The following LARP1B variants were observed in gnomAD, a reference collection of about 807,000 sequenced individuals.
LARP1B encodes la-related protein 1B.
Under a neutral mutation model 114.2 loss-of-function variants are expected in LARP1B, and 76 were observed. That is an observed-to-expected ratio of 0.67 (90% CI 0.55 to 0.81). LARP1B has a LOEUF of 0.81. Ranked by LOEUF, LARP1B falls within the 30% of genes least tolerant of loss-of-function variation. LARP1B has a pLI of 0.00. For synonymous variants in LARP1B, 345 were observed against 348.0 expected (o/e 0.99, Z 0.10); for missense variants, 1,014 against 1,075.8 (o/e 0.94, Z 0.80).
At chr4:128,137,791 A>ATATATATATATT (rs1414155026) in intron 11 of LARP1B, among the ~76,000 whole-genome samples, 1 of 63,562 alleles carries the variant, frequency 1.6e-5, no homozygotes, top group African/African-American at 4.8e-5. Flanking sequence ...ATATATATAT[A>ATATATATATATT]TTTTTTTTTT....
chr4:128,116,827 G>C (rs1786009101), intron 10 of LARP1B, among the ~76,000 whole-genome samples: 1 of 151,834 alleles, frequency 6.6e-6, no homozygotes, highest in Admixed American at 6.6e-5. Flanking sequence ...AATTCTAAAA[G>C]CATTTTTCTT....
intron 11 of LARP1B, among the ~76,000 whole-genome samples, chr4:128,157,370 A>G (rs1226530813): frequency 6.6e-6 from 1 of 152,196 alleles, no homozygotes; most frequent in Non-Finnish European, 1.5e-5. Context: ...TGTAAGAGAC[A>G]TAGTCTAACA....
At chr4:128,172,312 A>G (rs182180093) in intron 12 of LARP1B, among the ~76,000 whole-genome samples, 117 of 152,160 alleles carry the variant, frequency 7.7e-4, no homozygotes, top group Non-Finnish European at 1.4e-3. Flanking sequence ...GCTTGAACTC[A>G]CTGGATTTTT....
At chr4:128,132,666 C>T (rs1161592329) in intron 11 of LARP1B, among the ~76,000 whole-genome samples, 4 of 151,892 alleles carry the variant, frequency 2.6e-5, no homozygotes, top group African/African-American at 9.7e-5. Context: ...TGAAAGGAGC[C>T]ATCATAAAAG....
intron 17 of LARP1B, among the ~76,000 whole-genome samples, chr4:128,203,623 C>G (rs1756724060): frequency 6.6e-6 from 1 of 152,126 alleles, no homozygotes; most frequent in African/African-American, 2.4e-5. Flanking sequence ...ATCCACCCAC[C>G]TCGGCCTCCC....
intron 11 of LARP1B, among the ~76,000 whole-genome samples, chr4:128,154,430 C>G (rs1000915440): frequency 1.3e-5 from 2 of 152,092 alleles, no homozygotes; most frequent in Non-Finnish European, 2.9e-5. Flanking sequence ...TTCCTCACCC[C>G]CTTCAGGATA....
chr4:128,063,295 C>T (rs1761036402), intron 1 of LARP1B, among the ~76,000 whole-genome samples: 1 of 151,384 alleles, frequency 6.6e-6, no homozygotes, highest in Non-Finnish European at 1.5e-5. Flanking sequence ...GGCGTGGTGG[C>T]GGGCGCCTGT....
intron 1 of LARP1B, among the ~76,000 whole-genome samples, chr4:128,073,941 GT>G (rs948022872): frequency 1.3e-5 from 2 of 149,072 alleles, no homozygotes; most frequent in Admixed American, 6.7e-5. Flanking sequence ...AATACGCTGT[GT>G]TTTTTTTTGT....
chr4:128,218,788 AC>A (rs1340048461), intron 6 of LARP1B, among the ~76,000 whole-genome samples: 1 of 68,358 alleles, frequency 1.5e-5, no homozygotes, highest in African/African-American at 5.9e-5. Context: ...GCCAAAATTG[AC>A]AAATGGGATC....
At chr4:128,103,535 A>G (rs1030064029) in intron 8 of LARP1B, among the ~76,000 whole-genome samples, 1 of 150,424 alleles carries the variant, frequency 6.6e-6, no homozygotes, top group Non-Finnish European at 1.5e-5. Context: ...ACCTTACTAC[A>G]TACAATGTTT....
intron 4 of LARP1B, among the ~76,000 whole-genome samples, chr4:128,079,497 A>G (rs1383659010): frequency 2.0e-5 from 3 of 152,162 alleles, no homozygotes; most frequent in African/African-American, 7.2e-5. Flanking sequence ...AACAGTGACA[A>G]CAAGACAAAC....
intron 5 of LARP1B, among the ~76,000 whole-genome samples, chr4:128,087,656 G>T (rs2149529576): frequency 6.6e-6 from 1 of 152,250 alleles, no homozygotes; most frequent in Non-Finnish European, 1.5e-5. Context: ...TAGTTTCCTA[G>T]TACCATCTAA....
chr4:128,129,444 C>T (rs1790857094), intron 11 of LARP1B, among the ~76,000 whole-genome samples: 1 of 151,592 alleles, frequency 6.6e-6, no homozygotes, highest in African/African-American at 2.4e-5. Context: ...TCAGTTCTTT[C>T]CAACATAACC....
rs542550687 is a variant in LARP1B at position 128,135,692 on chromosome 4, A to G, written c.1524+13504A>G. ...AAAGACTCAGTCGAAGTATGTTTCC[A>G]CTTATAGGAGATAGCTAACTAAAGT... On this transcript the variant is annotated intron_variant, in intron 11 of 19. Coordinates refer to ENST00000326639, the MANE Select transcript of LARP1B (RefSeq NM_018078.4). 3.7e-3 allele frequency among the ~76,000 whole-genome samples: 566 copies of G among 152,326 alleles called. 2 individuals are homozygous for G. Among genetic ancestry groups the G allele is most frequent in the Middle Eastern group, 0.02 (6 of 294 alleles).
At chr4:128,098,930 A>G (rs1380271739) in intron 8 of LARP1B, among the ~76,000 whole-genome samples, 1 of 150,440 alleles carries the variant, frequency 6.6e-6, no homozygotes, top group Non-Finnish European at 1.5e-5. Flanking sequence ...AGCACGCACC[A>G]TCATGCCCGG....
intron 11 of LARP1B, among the ~76,000 whole-genome samples, chr4:128,135,576 G>T (rs2150148675): frequency 6.6e-6 from 1 of 152,290 alleles, no homozygotes. Flanking sequence ...CATAACAATG[G>T]AGTATTATTC....
At chr4:128,094,400 C>CTTTTTTTTTTTTTTTTTTTTT (rs776529101) in intron 7 of LARP1B, among the ~76,000 whole-genome samples, 11 of 128,744 alleles carry the variant, frequency 8.5e-5, no homozygotes, top group African/African-American at 1.8e-4. Context: ...TTTTCTTTTT[C>CTTTTTTTTTTTTTTTTTTTTT]TTTTTTTTTT....
At position 128,140,822 on chromosome 4, in the gene LARP1B, C is replaced by T. The variant is rs1469839263; in HGVS notation, c.1524+18634C>T. ...TAAAGTCAAGGTAGGTTAATTGTCT[C>T]TGTTTTTTTTTTTGGCAGAGTCTTG... On this transcript the variant is annotated intron_variant, in intron 11 of 19. Coordinates refer to ENST00000326639, the MANE Select transcript of LARP1B (RefSeq NM_018078.4). 1.1e-4 allele frequency among the ~76,000 whole-genome samples: 7 copies of T among 64,324 alleles called. No homozygotes were observed. In the East Asian group the frequency reaches 1.8e-3, roughly 17 times the overall value. 42.2% of individuals were successfully genotyped at this position (64,324 alleles called of 152,430 possible). A position where few individuals can be genotyped will look rare whatever the true frequency, so the allele number is the denominator to read the frequency against.
rs895108706 is a variant in LARP1B, at chr4:128,135,657, T to G, written c.1524+13469T>G. Among the ~76,000 whole-genome samples, 13 of 152,186 alleles carry G rather than the reference T, an allele frequency of 8.5e-5. 1 individual carries two copies. The South Asian group carries it at 1.0e-3, about 12-fold the overall frequency. ...GAGGACTTTATGCTAAGGGAAATAT[T>G]CAGTCACAAAAAGACTCAGTCGAAG... is the stretch of plus-strand genomic sequence containing the variant. On this transcript the variant is annotated intron_variant, in intron 11 of 19. Transcript: ENST00000326639.
Sources: allele counts gnomAD v4.1 joint callset (sites outside exome capture counted in the v4.1 genomes callset), GRCh38; gene constraint gnomAD v4.1.1; transcripts MANE v1.5; gene names NCBI Gene and HGNC (gene_info 2026-07-23, HGNC 2026-07-21).